The following ASCC1 variants were observed in gnomAD, a reference collection of about 807,000 sequenced individuals.
The protein encoded by ASCC1 is activating signal cointegrator 1 complex subunit 1.
In ASCC1, 35 loss-of-function variants were observed where a neutral mutation model predicts 46.6. The ratio of observed to expected loss-of-function variants is 0.75; its 90% CI spans 0.57 to 0.99. The LOEUF (loss-of-function observed/expected upper bound fraction) is 0.99. ASCC1 is among the 50% of genes least tolerant of loss of function. The probability of loss-of-function intolerance (pLI) is 0.00; values close to 1 mark genes in which losing one functional copy is unlikely to be tolerated. For synonymous variants in ASCC1, 143 were observed against 146.6 expected (o/e 0.98, Z 0.18); for missense variants, 376 against 428.7 (o/e 0.88, Z 1.09).
rs1215058301 is a variant in ASCC1, at chr10:72,196,977, TG to T, written c.322del (p.Gln108SerfsTer6). On this transcript the variant is annotated frameshift_variant, in exon 5 of 10. Transcript: ENST00000672957. LOFTEE classifies it high-confidence loss of function. The part of the protein sequence containing the change: ...GQDGEIVITG[Q>X]HRNGVISART... ...GGCTGAAATTACACCATTTCGATGCTGGCCAGTGATTACTGTAAACAAAGAA... is the reference window on the plus strand; with the variant it reads ...GGCTGAAATTACACCATTTCGATGCTGCCAGTGATTACTGTAAACAAAGAA... 6.2e-7 allele frequency: 1 copy of T among 1,613,690 alleles called. No homozygotes were observed.
chr10:72,176,768 C>CAG (rs1159638339), intron 5 of ASCC1, among the ~76,000 whole-genome samples: 1 of 152,052 alleles, frequency 6.6e-6, no homozygotes, highest in Admixed American at 6.6e-5. Context: ...TACTCTACCT[C>CAG]TTTCTAAGTA....
At chr10:72,188,367 C>T (rs186043032) in intron 5 of ASCC1, among the ~76,000 whole-genome samples, 11 of 152,166 alleles carry the variant, frequency 7.2e-5, no homozygotes, top group African/African-American at 2.6e-4. Context: ...GATCCACCCA[C>T]CTCGGCCTCC....
intron 9 of ASCC1, among the ~76,000 whole-genome samples, chr10:72,103,127 A>G (rs976108797): frequency 3.3e-5 from 5 of 151,306 alleles, no homozygotes; most frequent in Non-Finnish European, 1.5e-5. Context: ...AATAGATACT[A>G]TGTTTTTTTT....
At chr10:72,194,581 A>T (rs1855077675) in intron 5 of ASCC1, among the ~76,000 whole-genome samples, 1 of 151,206 alleles carries the variant, frequency 6.6e-6, no homozygotes, top group Admixed American at 6.6e-5. Context: ...GTATAAGTAA[A>T]ATAACCCACT....
At chr10:72,196,149 G>A (rs1855386501) in intron 5 of ASCC1, among the ~76,000 whole-genome samples, 1 of 151,894 alleles carries the variant, frequency 6.6e-6, no homozygotes, top group Admixed American at 6.6e-5. Flanking sequence ...TTGTCTTTTA[G>A]TTACTAATCC....
At chr10:72,175,364 T>C (rs1326368731) in intron 5 of ASCC1, among the ~76,000 whole-genome samples, 1 of 152,198 alleles carries the variant, frequency 6.6e-6, no homozygotes, top group Non-Finnish European at 1.5e-5. Context: ...ACTAGACAAA[T>C]GCCATCTTTG....
intron 9 of ASCC1, among the ~76,000 whole-genome samples, chr10:72,099,409 G>C (rs1841457953): frequency 6.6e-6 from 1 of 152,242 alleles, no homozygotes; most frequent in African/African-American, 2.4e-5. Flanking sequence ...TGTGGAAAGA[G>C]TGCTGGATTC....
At chr10:72,143,718 T>C (rs1847300570) in intron 7 of ASCC1, among the ~76,000 whole-genome samples, 1 of 151,102 alleles carries the variant, frequency 6.6e-6, no homozygotes, top group Admixed American at 6.6e-5. Context: ...GAGTATTAGA[T>C]AAAACTTGCT....
intron 7 of ASCC1, among the ~76,000 whole-genome samples, chr10:72,144,970 C>A (rs1313482450): frequency 6.6e-6 from 1 of 152,156 alleles, no homozygotes. Flanking sequence ...CTGTGGTTAT[C>A]TCACAGTGGT....
At chr10:72,152,743 A>T in intron 7 of ASCC1, 126 bp downstream of exon 7, 2 of 1,145,942 alleles carry the variant, frequency 1.7e-6, no homozygotes, top group Non-Finnish European at 1.2e-6. Context: ...AAAAAAAAAG[A>T]GAGAGAAATA....
chr10:72,203,623 C>T, intron 3 of ASCC1, 99 bp from the exon 4 acceptor site: 4 of 893,542 alleles, frequency 4.5e-6, no homozygotes, highest in Non-Finnish European at 7.3e-6. Context: ...TACTCCCTTA[C>T]AGAAAAGTAG....
intron 5 of ASCC1, among the ~76,000 whole-genome samples, chr10:72,172,428 A>AG (rs1218113075): frequency 4.7e-5 from 7 of 149,450 alleles, no homozygotes; most frequent in East Asian, 3.9e-4. Flanking sequence ...AAAAAAAAAA[A>AG]AAAAAAAGAA....
chr10:72,102,883 G>A (rs1841937511), intron 9 of ASCC1: 1 of 400,456 alleles, frequency 2.5e-6, no homozygotes, highest in South Asian at 1.8e-5. Flanking sequence ...GCTGAGGCAG[G>A]AGAATCACTT....
intron 5 of ASCC1, among the ~76,000 whole-genome samples, chr10:72,188,239 C>T (rs1276448670): frequency 1.3e-5 from 2 of 151,406 alleles, no homozygotes; most frequent in Admixed American, 6.6e-5. Flanking sequence ...CTGCCTCAGC[C>T]TCCCAAGTAG....
intron 5 of ASCC1, among the ~76,000 whole-genome samples, chr10:72,190,991 G>A (rs111519577): frequency 0.16 from 14,957 of 92,250 alleles, 3,072 homozygotes; most frequent in African/African-American, 0.5. Context: ...GCGAGACGCC[G>A]TCTCAAAAAA....
At chr10:72,142,242 T>C (rs1286346938) in intron 7 of ASCC1, among the ~76,000 whole-genome samples, 1 of 152,242 alleles carries the variant, frequency 6.6e-6, no homozygotes, top group African/African-American at 2.4e-5. Context: ...AGGATATTAT[T>C]AGATTTTTCT....
chr10:72,179,758 C>T (rs1302360672), intron 5 of ASCC1, among the ~76,000 whole-genome samples: 1 of 152,058 alleles, frequency 6.6e-6, no homozygotes, highest in Non-Finnish European at 1.5e-5. Context: ...AAGCTCAATA[C>T]ATATTTGCTA....
At chr10:72,208,652 C>G (rs2133455533) in intron 3 of ASCC1, among the ~76,000 whole-genome samples, 1 of 152,036 alleles carries the variant, frequency 6.6e-6, no homozygotes, top group African/African-American at 2.4e-5. Context: ...TCCAGCTACT[C>G]AGGAAGCTGA....
intron 7 of ASCC1, among the ~76,000 whole-genome samples, chr10:72,138,564 G>C (rs1380595569): frequency 6.6e-6 from 1 of 151,818 alleles, no homozygotes; most frequent in African/African-American, 2.4e-5. Context: ...CAAGTCTACA[G>C]GCAGCCTGTG....
Sources: gnomAD v4.1 joint callset for allele counts (sites outside exome capture counted in the v4.1 genomes callset) on GRCh38, gnomAD v4.1.1 for gene constraint, MANE v1.5 for transcripts, NCBI Gene and HGNC (gene_info 2026-07-23, HGNC 2026-07-21) for gene names.